PLEKHA8: variants seen among roughly 807,000 people sequenced by gnomAD.
PLEKHA8 encodes the protein pleckstrin homology domain-containing family A member 8.
PLEKHA8 carries 36 observed loss-of-function variants against 68.2 expected under a neutral mutation model. The observed-to-expected ratio is 0.53, with a 90% CI of 0.40 to 0.70. The LOEUF (loss-of-function observed/expected upper bound fraction) is 0.70. PLEKHA8 is among the 30% of genes least tolerant of loss of function. The pLI, the probability that PLEKHA8 is intolerant of heterozygous loss-of-function variation, is 0.00. For missense variants in PLEKHA8, 505 were observed against 615.4 expected (o/e 0.82, Z 1.90); for synonymous variants, 211 against 216.1 (o/e 0.98, Z 0.20).
At position 30,115,762 on chromosome 7, in the gene PLEKHA8, G is replaced by GCA. The variant is rs1796450144; in HGVS notation, c.1363-13504_1363-13503insCA. The stretch of plus-strand genomic sequence containing the variant: ...CATGTATACATACGTGCACATACAT[G>GCA]TATACACGTATGCATGCATACATAC... On this transcript the variant is annotated intron_variant, in intron 13 of 13. Coordinates refer to the PLEKHA8 transcript ENST00000396257. The GCA allele has an allele frequency of 3.4e-5, 5 of 147,374 alleles. No homozygotes were observed. The South Asian group carries it at 8.5e-4, about 25-fold the overall frequency. 9.1% of individuals were successfully genotyped at this position (147,374 alleles called of 1,614,324 possible).
chr7:30,096,715 G>A (rs1436255942), intron 13 of PLEKHA8, among the ~76,000 whole-genome samples: 2 of 152,128 alleles, frequency 1.3e-5, no homozygotes, highest in Non-Finnish European at 2.9e-5. Flanking sequence ...TTGAGCCTGT[G>A]TGTCTCTGCA....
At chr7:30,125,809 T>C (rs1313417830) in intron 13 of PLEKHA8, among the ~76,000 whole-genome samples, 2 of 152,262 alleles carry the variant, frequency 1.3e-5, no homozygotes, top group Admixed American at 6.5e-5. Context: ...ATAATTGTTA[T>C]ATCTCAATTT....
chr7:30,074,280 G>T, intron 13 of PLEKHA8, 148 bp downstream of exon 13: 2 of 577,314 alleles, frequency 3.5e-6, no homozygotes, highest in Non-Finnish European at 5.8e-6. Context: ...GTGTATGTGT[G>T]GTGTTTTTGT....
chr7:30,066,213 TTAAG>T (rs1175367777), intron 12 of PLEKHA8, among the ~76,000 whole-genome samples: 1 of 152,234 alleles, frequency 6.6e-6, no homozygotes, highest in Non-Finnish European at 1.5e-5. Context: ...AAAATACTGC[TTAAG>T]TAAGGTTTGA....
exon 13 of PLEKHA8, chr7:30,090,193 A>G: frequency 6.5e-7 from 1 of 1,549,660 alleles, no homozygotes; most frequent in East Asian, 2.4e-5. Context: ...ACATACCCTG[A>G]TGAAGATCCT....
In PLEKHA8 at chr7:30,084,216, T is replaced by C. The variant is rs564887558; in HGVS notation, c.*5429T>C. 121 of 985,060 alleles carry C rather than the reference T, an allele frequency of 1.2e-4. No homozygotes were observed. Among genetic ancestry groups the C allele is most frequent in the Non-Finnish European group, 1.4e-4 (120 of 829,694 alleles). The allele number at this position is 985,060 out of a possible 1,614,324, so 61.0% of individuals were successfully genotyped here. A position where few individuals can be genotyped will look rare whatever the true frequency, so the allele number is the denominator to read the frequency against. On this transcript the variant is annotated 3_prime_UTR_variant, in exon 14 of 14. Transcript: ENST00000449726. Reference sequence around the variant, plus strand: ...GCCAAAGGCTAAAATGTACATAGATTTCCTTGGATTAATTTTTAAGTCACT... The same window carrying C: ...GCCAAAGGCTAAAATGTACATAGATCTCCTTGGATTAATTTTTAAGTCACT...
chr7:30,069,941 A>G (rs927412005), intron 12 of PLEKHA8: 2 of 152,136 alleles, frequency 1.3e-5, no homozygotes, highest in African/African-American at 4.8e-5. Context: ...GGCCAAAAAT[A>G]CTCCCAGATT....
At chr7:30,094,796 A>T (rs571903718), downstream of PLEKHA8, among the ~76,000 whole-genome samples, 1 of 150,114 alleles carries the variant, frequency 6.7e-6, no homozygotes. Context: ...TGTCCTCGTG[A>T]TAATTTGCTG....
chr7:30,115,509 T>C (rs534766333), intron 13 of PLEKHA8, among the ~76,000 whole-genome samples: 8 of 147,294 alleles, frequency 5.4e-5, no homozygotes, highest in African/African-American at 1.2e-4. Flanking sequence ...TATACATATG[T>C]ACACATACAC....
chr7:30,073,915 A>G (rs1028272731), intron 12 of PLEKHA8, among the ~76,000 whole-genome samples, 156 bp from the exon 13 acceptor site: 2 of 152,078 alleles, frequency 1.3e-5, no homozygotes, highest in African/African-American at 4.8e-5. Flanking sequence ...ACTTGAGCGC[A>G]GGAGTTCAAG....
intron 13 of PLEKHA8, among the ~76,000 whole-genome samples, chr7:30,126,059 A>G (rs184376151): frequency 2.0e-5 from 3 of 151,208 alleles, no homozygotes; most frequent in Admixed American, 1.3e-4. Flanking sequence ...AAAAACAGCC[A>G]CTCTAAGTCT....
At chr7:30,102,786 A>G (rs142121565) in intron 13 of PLEKHA8, among the ~76,000 whole-genome samples, 1 of 152,238 alleles carries the variant, frequency 6.6e-6, no homozygotes, top group Non-Finnish European at 1.5e-5. Flanking sequence ...GGTGGCTCAC[A>G]CTTTAATCCC....
intron 13 of PLEKHA8, among the ~76,000 whole-genome samples, chr7:30,117,242 C>A (rs1357000763): frequency 1.3e-5 from 2 of 152,124 alleles, no homozygotes; most frequent in Non-Finnish European, 2.9e-5. Context: ...TGTGTGTGTG[C>A]ATTTCCTAGA....
chr7:30,062,236 G>A (rs868418816), intron 11 of PLEKHA8, among the ~76,000 whole-genome samples: 38 of 152,010 alleles, frequency 2.5e-4, no homozygotes, highest in African/African-American at 8.7e-4. Context: ...GTATATATAA[G>A]ATAGGAATCT....
In PLEKHA8 at chr7:30,046,335, C is replaced by T; in HGVS notation, c.283C>T (p.Leu95=). The change falls in exon 3 of 14, where the codon CTG becomes TTG. Residue 95 remains leucine (L), a synonymous_variant. Transcript: ENST00000449726. ...LVALGSAKAC[L]TDSRTQKEKE... ...GGCCCTGGGATCAGCCAAGGCTTGCCTGACTGACAGTAGGACCCAGAAGGA... is the reference window on the plus strand; with the variant it reads ...GGCCCTGGGATCAGCCAAGGCTTGCTTGACTGACAGTAGGACCCAGAAGGA... The T allele has an allele frequency of 1.2e-6, 2 of 1,612,442 alleles. No individual in the cohort carries two copies. The highest frequency in any genetic ancestry group is 1.7e-6 in the Non-Finnish European group (2 of 1,179,154).
At chr7:30,030,020 C>T (rs1790539281) in intron 1 of PLEKHA8, among the ~76,000 whole-genome samples, 1 of 152,176 alleles carries the variant, frequency 6.6e-6, no homozygotes, top group South Asian at 2.1e-4. Flanking sequence ...CAAGGACCTT[C>T]AGTGATGTCT....
downstream of PLEKHA8, among the ~76,000 whole-genome samples, chr7:30,087,945 A>T (rs1795245152): frequency 6.6e-6 from 1 of 152,052 alleles, no homozygotes; most frequent in Non-Finnish European, 1.5e-5. Flanking sequence ...TGGTGTAGCC[A>T]CCTCTCTCAT....
At position 30,081,579 on chromosome 7, in the gene PLEKHA8, C is replaced by A; in HGVS notation, c.*2792C>A. 1 of 985,134 alleles carries A rather than the reference C, an allele frequency of 1.0e-6. No homozygotes were observed. The highest frequency in any genetic ancestry group is 1.1e-4 in the East Asian group (1 of 8,814). The allele number at this position is 985,134 out of a possible 1,614,324, so 61.0% of individuals were successfully genotyped here. On this transcript the variant is annotated 3_prime_UTR_variant, in exon 14 of 14. Transcript: ENST00000449726. ...CCATAGCCCTCCAAGACTTCTGGGA[C>A]AACTAAATTTACTTTCACCATTACT... is the stretch of plus-strand genomic sequence containing the variant.
exon 14 of PLEKHA8, chr7:30,129,419 ACCTC>A (rs1299764361): frequency 2.3e-5 from 28 of 1,223,974 alleles, no homozygotes; most frequent in Non-Finnish European, 3.3e-5. Flanking sequence ...TGCACTGCCC[ACCTC>A]CAGATCTCAT....
Sources: gnomAD v4.1 joint callset for allele counts (sites outside exome capture counted in the v4.1 genomes callset) on GRCh38, gnomAD v4.1.1 for gene constraint, MANE v1.5 for transcripts, NCBI Gene and HGNC (gene_info 2026-07-23, HGNC 2026-07-21) for gene names.